The following ADAMTS3 variants were observed in gnomAD, a reference collection of about 807,000 sequenced individuals.
ADAMTS3 encodes A disintegrin and metalloproteinase with thrombospondin motifs 3.
ADAMTS3 carries 73 observed loss-of-function variants against 129.0 expected under a neutral mutation model. The observed-to-expected ratio is 0.57, with a 90% CI of 0.47 to 0.69. ADAMTS3 has a LOEUF of 0.69. Among genes scored for constraint, ADAMTS3 ranks in the 30% least tolerant of loss-of-function variants. The probability of loss-of-function intolerance (pLI) is 0.00; values close to 1 mark genes in which losing one functional copy is unlikely to be tolerated. For missense variants in ADAMTS3, 1,457 were observed against 1,514.5 expected (o/e 0.96, Z 0.63); for synonymous variants, 477 against 510.8 (o/e 0.93, Z 0.89).
rs1174818557 is a variant in ADAMTS3, at chr4:72,550,029, A to G, written c.98-1145T>C. On this transcript the variant is annotated intron_variant, in intron 2 of 21. Transcript: ENST00000286657. Reference sequence around the variant, plus strand: ...GAAGAAGAAGAAGAAGAAGAAGAAGAAGAAGAAGAAGAAGAGGAAGAGGAA... The same window carrying G: ...GAAGAAGAAGAAGAAGAAGAAGAAGGAGAAGAAGAAGAAGAGGAAGAGGAA... Among the ~76,000 whole-genome samples, 26 of 5,286 alleles carry G rather than the reference A, an allele frequency of 4.9e-3. 3 individuals are homozygous for G. The highest frequency in any genetic ancestry group is 0.015 in the East Asian group (2 of 134). 3.5% of individuals were successfully genotyped at this position (5,286 alleles called of 152,430 possible).
In ADAMTS3 at chr4:72,323,153, G is replaced by A; in HGVS notation, c.862-56C>T. The stretch of plus-strand genomic sequence containing the variant: ...AAAGGAAACACCGAGGATTTCATGA[G>A]ATGTACATATAAGCTGTGTAATCAC... On this transcript the variant is annotated intron_variant, in intron 5 of 21. Coordinates refer to ENST00000286657, the MANE Select transcript of ADAMTS3 (RefSeq NM_014243.3). 2.2e-6 allele frequency: 3 copies of A among 1,362,694 alleles called. 1 individual carries two copies. 84.4% of individuals were successfully genotyped at this position (1,362,694 alleles called of 1,614,324 possible). A position where few individuals can be genotyped will look rare whatever the true frequency, so the allele number is the denominator to read the frequency against.
At chr4:72,535,305 C>T (rs1451755832) in intron 3 of ADAMTS3, among the ~76,000 whole-genome samples, 2 of 152,170 alleles carry the variant, frequency 1.3e-5, no homozygotes, top group African/African-American at 4.8e-5. Context: ...TGAAATGTTT[C>T]CCATTGTGTT....
chr4:72,304,019 C>A lies in ADAMTS3; in HGVS notation c.2322G>T (p.Ser774=), dbSNP rs771401796. 9.2e-5 allele frequency: 148 copies of A among 1,613,702 alleles called. 1 individual carries two copies. The highest frequency in any genetic ancestry group is 8.3e-4 in the Middle Eastern group (5 of 6,054). ...ILNGKGEEAK[S]RTFIDLGVEW... is the part of the protein sequence containing the mutation. ...CCACACCAAGATCTATGAAGGTCCG[C>A]GACTTGGCTTCCTCCCCTTTGCCAT... The change falls in exon 17 of 22, where the codon TCG becomes TCT. Residue 774 remains serine (S), a synonymous_variant. Transcript: ENST00000286657.
At chr4:72,538,996 C>T (rs1358771384) in intron 3 of ADAMTS3, among the ~76,000 whole-genome samples, 1 of 151,950 alleles carries the variant, frequency 6.6e-6, no homozygotes, top group Non-Finnish European at 1.5e-5. Flanking sequence ...TTACCTAACA[C>T]CATATACAAA....
intron 3 of ADAMTS3, among the ~76,000 whole-genome samples, chr4:72,484,888 C>T (rs1363578282): frequency 6.6e-6 from 1 of 152,036 alleles, no homozygotes; most frequent in Non-Finnish European, 1.5e-5. Context: ...TATAAACGAC[C>T]CTCCCTTTCA....
At chr4:72,467,190 G>T (rs1031687090) in intron 3 of ADAMTS3, among the ~76,000 whole-genome samples, 8 of 151,860 alleles carry the variant, frequency 5.3e-5, no homozygotes, top group African/African-American at 1.7e-4. Flanking sequence ...GCTTTTTCTG[G>T]CTTTATTTCT....
At chr4:72,431,955 G>A (rs1202679347) in intron 3 of ADAMTS3, among the ~76,000 whole-genome samples, 1 of 151,922 alleles carries the variant, frequency 6.6e-6, no homozygotes, top group Non-Finnish European at 1.5e-5. Flanking sequence ...AGGTAGTAAT[G>A]AGAGAAAAAG....
chr4:72,529,763 A>G (rs1181788613), intron 3 of ADAMTS3, among the ~76,000 whole-genome samples: 26 of 106,104 alleles, frequency 2.5e-4, no homozygotes, highest in African/African-American at 1.0e-3. Flanking sequence ...ATATAATATT[A>G]ATATATGTTA....
At chr4:72,540,094 G>A (rs1319794346) in intron 3 of ADAMTS3, among the ~76,000 whole-genome samples, 2 of 152,160 alleles carry the variant, frequency 1.3e-5, no homozygotes, top group Non-Finnish European at 2.9e-5. Context: ...GAAAATGTGA[G>A]AATGTTTGCA....
chr4:72,468,903 G>A (rs1718991013), intron 3 of ADAMTS3, among the ~76,000 whole-genome samples: 1 of 151,912 alleles, frequency 6.6e-6, no homozygotes, highest in Non-Finnish European at 1.5e-5. Flanking sequence ...CATATTTTGT[G>A]GAAAAAGCAG....
At chr4:72,361,265 T>C (rs1374791818) in intron 4 of ADAMTS3, among the ~76,000 whole-genome samples, 1 of 152,178 alleles carries the variant, frequency 6.6e-6, no homozygotes, top group Non-Finnish European at 1.5e-5. Flanking sequence ...AAAATTATAT[T>C]ATCTCACAAA....
chr4:72,291,740 A>G (rs1315223432), intron 19 of ADAMTS3, among the ~76,000 whole-genome samples: 5 of 151,924 alleles, frequency 3.3e-5, no homozygotes, highest in African/African-American at 9.7e-5. Context: ...TAGAAGCATG[A>G]TTTATAGTCC....
At chr4:72,520,598 C>T (rs923298833) in intron 3 of ADAMTS3, among the ~76,000 whole-genome samples, 2 of 152,228 alleles carry the variant, frequency 1.3e-5, no homozygotes, top group Non-Finnish European at 2.9e-5. Context: ...TCTCAGACTG[C>T]CGTGCTAGCA....
chr4:72,463,246 G>T (rs1718821324), intron 3 of ADAMTS3, among the ~76,000 whole-genome samples: 2 of 151,926 alleles, frequency 1.3e-5, no homozygotes, highest in Non-Finnish European at 2.9e-5. Context: ...CTGGGTTTGT[G>T]TAAGTACACT....
chr4:72,385,658 C>T (rs1365680699), intron 4 of ADAMTS3, among the ~76,000 whole-genome samples: 5 of 152,034 alleles, frequency 3.3e-5, no homozygotes, highest in African/African-American at 1.2e-4. Context: ...CATAAGATAG[C>T]TGAGTGACTG....
chr4:72,560,736 T>TG, intron 2 of ADAMTS3, among the ~76,000 whole-genome samples: 1 of 152,164 alleles, frequency 6.6e-6, no homozygotes, highest in Non-Finnish European at 1.5e-5. Flanking sequence ...TAATACATGC[T>TG]GAGCTTAATA....
intron 5 of ADAMTS3, among the ~76,000 whole-genome samples, chr4:72,328,385 T>C (rs1719751109): frequency 6.6e-6 from 1 of 152,184 alleles, no homozygotes. Context: ...GGCAGGACAA[T>C]CTGACCTGCT....
chr4:72,472,431 C>T (rs2109995174), intron 3 of ADAMTS3, among the ~76,000 whole-genome samples: 1 of 152,232 alleles, frequency 6.6e-6, no homozygotes, highest in East Asian at 1.9e-4. Context: ...GACACATAAA[C>T]AGTGCTTCTG....
intron 4 of ADAMTS3, among the ~76,000 whole-genome samples, chr4:72,371,903 CA>C (rs34017100): frequency 0.43 from 60,476 of 142,232 alleles, 15,087 homozygotes; most frequent in East Asian, 0.69. Flanking sequence ...ATACAAATTT[CA>C]AAAAAAAAAA....
Sources: allele counts gnomAD v4.1 joint callset (sites outside exome capture counted in the v4.1 genomes callset), GRCh38; gene constraint gnomAD v4.1.1; transcripts MANE v1.5; gene names NCBI Gene and HGNC (gene_info 2026-07-23, HGNC 2026-07-21).